AKAP19: variants seen among roughly 807,000 people sequenced by gnomAD.
AKAP19 encodes A-kinase anchoring protein 19, also known as small A-kinase anchoring protein.
chr2:190,145,853 AAAG>A, the AKAP19 span, among the ~76,000 whole-genome samples: 1 of 143,610 alleles, frequency 7.0e-6, no homozygotes, highest in African/African-American at 2.5e-5. Flanking sequence ...GTATATATAA[AAAG>A]AAATATATAT....
At chr2:190,030,495 G>A in the AKAP19 span, among the ~76,000 whole-genome samples, 17 of 152,236 alleles carry the variant, frequency 1.1e-4, no homozygotes, top group Non-Finnish European at 1.9e-4. Flanking sequence ...TGGTGTGCCC[G>A]TGTTTTGCCA....
chr2:190,187,288 T>G, the AKAP19 span, among the ~76,000 whole-genome samples: 1 of 152,160 alleles, frequency 6.6e-6, no homozygotes, highest in Non-Finnish European at 1.5e-5. Context: ...GTGTAAAGGC[T>G]TAAGAATATG....
the AKAP19 span, among the ~76,000 whole-genome samples, chr2:189,922,111 T>G: frequency 2.6e-5 from 4 of 152,094 alleles, no homozygotes; most frequent in African/African-American, 9.7e-5. Flanking sequence ...ACAATGAAAT[T>G]GGCAGAAGAA....
chr2:189,925,846 C>G, the AKAP19 span, among the ~76,000 whole-genome samples: 1 of 152,042 alleles, frequency 6.6e-6, no homozygotes, highest in African/African-American at 2.4e-5. Context: ...TATACATTAT[C>G]AAAGCCAGAA....
the AKAP19 span, among the ~76,000 whole-genome samples, chr2:190,065,763 AACT>A: frequency 6.6e-6 from 1 of 152,198 alleles, no homozygotes; most frequent in African/African-American, 2.4e-5. Flanking sequence ...TATAGAACAT[AACT>A]ACTATGAATA....
the AKAP19 span, among the ~76,000 whole-genome samples, chr2:189,931,200 T>C: frequency 2.0e-4 from 30 of 151,244 alleles, no homozygotes; most frequent in African/African-American, 6.5e-4. Context: ...GTTTGTGAAA[T>C]GGTGGTTTTT....
the AKAP19 span, among the ~76,000 whole-genome samples, chr2:189,933,241 T>C: frequency 6.6e-6 from 1 of 152,214 alleles, no homozygotes; most frequent in Non-Finnish European, 1.5e-5. Flanking sequence ...AACAGAAGTA[T>C]CTCTCATAAA....
chr2:189,887,837 T>A, the AKAP19 span, among the ~76,000 whole-genome samples: 1 of 152,052 alleles, frequency 6.6e-6, no homozygotes, highest in Non-Finnish European at 1.5e-5. Flanking sequence ...ATTTGTTTAT[T>A]TGTAGATTCT....
chr2:190,089,105 TCA>T, the AKAP19 span, among the ~76,000 whole-genome samples: 3 of 152,190 alleles, frequency 2.0e-5, no homozygotes, highest in East Asian at 1.9e-4. Flanking sequence ...TGTGTGCAAA[TCA>T]CAGTTACCCT....
chr2:190,013,403 G>A, the AKAP19 span, among the ~76,000 whole-genome samples: 1 of 151,476 alleles, frequency 6.6e-6, no homozygotes, highest in East Asian at 1.9e-4. Context: ...AATTGTTCAT[G>A]GTAATCTCTT....
chr2:189,907,123 A>T, the AKAP19 span, among the ~76,000 whole-genome samples: 200 of 152,276 alleles, frequency 1.3e-3, no homozygotes, highest in Non-Finnish European at 1.7e-3. Context: ...TCCTTGAACT[A>T]CAGAAATCAT....
the AKAP19 span, among the ~76,000 whole-genome samples, chr2:190,001,098 G>A: frequency 6.6e-6 from 1 of 151,954 alleles, no homozygotes; most frequent in Non-Finnish European, 1.5e-5. Context: ...GAATATGTTG[G>A]TGAGCTCCTA....
chr2:190,033,404 T>A, the AKAP19 span, among the ~76,000 whole-genome samples: 5 of 152,120 alleles, frequency 3.3e-5, no homozygotes, highest in South Asian at 1.0e-3. Flanking sequence ...TAGGCAAAAA[T>A]AATGATGGTA....
At chr2:190,111,588 C>A in the AKAP19 span, among the ~76,000 whole-genome samples, 1 of 152,086 alleles carries the variant, frequency 6.6e-6, no homozygotes, top group African/African-American at 2.4e-5. Context: ...TCTTCCAGGA[C>A]CAGCCTAGGT....
the AKAP19 span, among the ~76,000 whole-genome samples, chr2:189,926,587 T>A: frequency 2.1e-3 from 18 of 8,722 alleles, no homozygotes; most frequent in Middle Eastern, 0.25. Context: ...CGCCCGGCCT[T>A]TTTTTTTTTT....
the AKAP19 span, among the ~76,000 whole-genome samples, chr2:189,933,365 G>A: frequency 1.3e-4 from 19 of 149,348 alleles, no homozygotes; most frequent in African/African-American, 4.4e-4. Flanking sequence ...TTAATACTCA[G>A]TAAATATTTG....
the AKAP19 span, among the ~76,000 whole-genome samples, chr2:189,927,865 C>T: frequency 6.6e-6 from 1 of 152,082 alleles, no homozygotes; most frequent in East Asian, 1.9e-4. Flanking sequence ...ACTCAGCAGT[C>T]CAGTGGTTAT....
the AKAP19 span, among the ~76,000 whole-genome samples, chr2:190,182,099 A>G: frequency 6.6e-6 from 1 of 152,342 alleles, no homozygotes; most frequent in South Asian, 2.1e-4. Context: ...CCATTTTATT[A>G]TCTCCTCTGT....
chr2:189,995,379 C>CT, the AKAP19 span, among the ~76,000 whole-genome samples: 1 of 152,090 alleles, frequency 6.6e-6, no homozygotes, highest in Non-Finnish European at 1.5e-5. Context: ...TCCTCTTTGT[C>CT]TTTTTTAACT....
Sources: gnomAD v4.1 joint callset for allele counts (sites outside exome capture counted in the v4.1 genomes callset) on GRCh38, gnomAD v4.1.1 for gene constraint, MANE v1.5 for transcripts, NCBI Gene and HGNC (gene_info 2026-07-23, HGNC 2026-07-21) for gene names.